The following SSH2 variants were observed in gnomAD, a reference collection of about 807,000 sequenced individuals.
The protein encoded by SSH2 is protein phosphatase Slingshot homolog 2.
In SSH2, 37 loss-of-function variants were observed where a neutral mutation model predicts 135.2. The observed-to-expected ratio is 0.27, with a 90% CI of 0.21 to 0.36. The LOEUF is 0.36. SSH2 is among the 10% of genes least tolerant of loss of function. The pLI is 1.00. For missense variants in SSH2, 1,408 were observed against 1,765.3 expected (o/e 0.80, Z 3.63); for synonymous variants, 628 against 646.2 (o/e 0.97, Z 0.43).
chr17:29,838,207 T>C (rs1485317119), intron 2 of SSH2, among the ~76,000 whole-genome samples: 1 of 152,222 alleles, frequency 6.6e-6, no homozygotes, highest in Non-Finnish European at 1.5e-5. Flanking sequence ...CGTGTATGCA[T>C]GCTCAAGGCA....
At chr17:29,806,316 A>C (rs1445345737) in intron 2 of SSH2, among the ~76,000 whole-genome samples, 2 of 152,206 alleles carry the variant, frequency 1.3e-5, no homozygotes, top group African/African-American at 4.8e-5. Context: ...TGGAAGTGAG[A>C]TAATTTGCTC....
At chr17:29,793,634 CT>C (rs201345205) in intron 3 of SSH2, 5,941 of 280,302 alleles carry the variant, frequency 0.021, no homozygotes, top group East Asian at 0.031. Flanking sequence ...CGCTCTTACT[CT>C]TTTTTTTTTT....
intron 14 of SSH2, among the ~76,000 whole-genome samples, chr17:29,644,590 C>T (rs1409266332): frequency 1.3e-5 from 2 of 152,058 alleles, no homozygotes; most frequent in Non-Finnish European, 2.9e-5. Flanking sequence ...AGGCAGATCA[C>T]GAGGTCAAGA....
intron 1 of SSH2, among the ~76,000 whole-genome samples, chr17:29,856,734 T>C (rs1466109166): frequency 1.3e-5 from 2 of 152,180 alleles, no homozygotes; most frequent in African/African-American, 4.8e-5. Flanking sequence ...AAGTAATCAC[T>C]ATGCCAGTTC....
chr17:29,647,365 A>C (rs1320329783), intron 14 of SSH2, among the ~76,000 whole-genome samples: 2 of 152,136 alleles, frequency 1.3e-5, no homozygotes, highest in African/African-American at 4.8e-5. Flanking sequence ...AAACATAAAA[A>C]ATACAAATAA....
chr17:29,908,281 A>C (rs543373319), intron 1 of SSH2, among the ~76,000 whole-genome samples: 5 of 151,028 alleles, frequency 3.3e-5, no homozygotes, highest in African/African-American at 1.2e-4. Flanking sequence ...ATGATAACCC[A>C]TCTCTCCAAA....
chr17:29,811,130 C>A lies in SSH2; in HGVS notation c.145-17193G>T, dbSNP rs545331154. On this transcript the variant is annotated intron_variant, in intron 2 of 15. Transcript: ENST00000540801. ...ACTGCTTCAGCCTCCCGAGTAGCTG[C>A]GACTACAGGTGCGCACCACCACACC... is the stretch of plus-strand genomic sequence containing the variant. 1.5e-4 allele frequency among the ~76,000 whole-genome samples: 23 copies of A among 151,976 alleles called. 2 individuals are homozygous for A. In the East Asian group the frequency reaches 4.5e-3, roughly 29 times the overall value.
intron 11 of SSH2, among the ~76,000 whole-genome samples, chr17:29,659,743 T>C (rs1236506109): frequency 1.3e-5 from 2 of 152,248 alleles, no homozygotes; most frequent in Non-Finnish European, 1.5e-5. Flanking sequence ...TTAGCCAGGA[T>C]GGTCTAGATC....
intron 1 of SSH2, among the ~76,000 whole-genome samples, chr17:29,907,053 C>A (rs146119001): frequency 6.6e-6 from 1 of 152,138 alleles, no homozygotes; most frequent in Non-Finnish European, 1.5e-5. Flanking sequence ...TATAAAGATA[C>A]ATGCACACGT....
chr17:29,671,903 G>A, intron 9 of SSH2, 32 bp downstream of exon 9: 1 of 1,575,626 alleles, frequency 6.3e-7, no homozygotes, highest in Non-Finnish European at 8.7e-7. Context: ...ATAATGGAGA[G>A]AACTTCCATA....
chr17:29,891,380 C>T (rs1239145960), intron 1 of SSH2, among the ~76,000 whole-genome samples: 1 of 152,124 alleles, frequency 6.6e-6, no homozygotes, highest in African/African-American at 2.4e-5. Flanking sequence ...ACAAATAGTT[C>T]TCTGCACTGT....
intron 12 of SSH2, among the ~76,000 whole-genome samples, chr17:29,653,185 G>C (rs2036645833): frequency 6.6e-6 from 1 of 152,124 alleles, no homozygotes; most frequent in Non-Finnish European, 1.5e-5. Context: ...GTAAGGTTCT[G>C]AAGTCAGCAG....
At chr17:29,799,679 T>C (rs973603601) in intron 2 of SSH2, among the ~76,000 whole-genome samples, 1 of 151,722 alleles carries the variant, frequency 6.6e-6, no homozygotes, top group Non-Finnish European at 1.5e-5. Flanking sequence ...TGAGAATATG[T>C]GGATAAGTAA....
intron 3 of SSH2, among the ~76,000 whole-genome samples, chr17:29,747,015 T>C (rs2040784962): frequency 6.6e-6 from 1 of 152,226 alleles, no homozygotes; most frequent in East Asian, 1.9e-4. Context: ...ACTTGAAATA[T>C]CCTGTTATGG....
intron 1 of SSH2, among the ~76,000 whole-genome samples, chr17:29,853,142 A>T (rs1221777731): frequency 1.4e-5 from 2 of 139,582 alleles, no homozygotes; most frequent in African/African-American, 2.7e-5. Flanking sequence ...GCGGGAGTGC[A>T]GTGGCGCGAT....
At chr17:29,762,878 A>G (rs943937306) in intron 3 of SSH2, among the ~76,000 whole-genome samples, 9 of 152,228 alleles carry the variant, frequency 5.9e-5, no homozygotes, top group African/African-American at 1.4e-4. Context: ...ACTAAAATAT[A>G]TATCACTGAA....
At chr17:29,828,224 A>G (rs1443539269) in intron 2 of SSH2, among the ~76,000 whole-genome samples, 3 of 152,246 alleles carry the variant, frequency 2.0e-5, no homozygotes, top group African/African-American at 7.2e-5. Flanking sequence ...CATTGACTAC[A>G]CAAGAAACTT....
chr17:29,805,248 C>A (rs756028223), intron 2 of SSH2, among the ~76,000 whole-genome samples: 1 of 151,920 alleles, frequency 6.6e-6, no homozygotes. Context: ...CTCTGCCTCC[C>A]GGGTTCACGC....
intron 3 of SSH2, among the ~76,000 whole-genome samples, chr17:29,708,610 A>C: frequency 6.6e-6 from 1 of 151,156 alleles, no homozygotes. Flanking sequence ...AAAAAAAACA[A>C]ACAAAAAAAC....
Sources: gnomAD v4.1 joint callset for allele counts (sites outside exome capture counted in the v4.1 genomes callset) on GRCh38, gnomAD v4.1.1 for gene constraint, MANE v1.5 for transcripts, NCBI Gene and HGNC (gene_info 2026-07-23, HGNC 2026-07-21) for gene names.